Variants in BIRC6 observed in about 807,000 individuals in gnomAD.
BIRC6 encodes baculoviral IAP repeat containing 6.
In BIRC6, 98 loss-of-function variants were observed where a neutral mutation model predicts 503.3. The observed-to-expected ratio is 0.19, with a 90% CI of 0.17 to 0.23. BIRC6 has a LOEUF of 0.23. Ranked by LOEUF, BIRC6 falls within the 10% of genes least tolerant of loss-of-function variation. The pLI is 1.00. For missense variants in BIRC6, 5,360 were observed against 5,806.0 expected (o/e 0.92, Z 2.50); for synonymous variants, 2,240 against 2,078.7 (o/e 1.08, Z -2.11).
chr2:32,518,453 A>G, intron 56 of BIRC6, 56 bp downstream of exon 56: 12 of 1,544,010 alleles, frequency 7.8e-6, no homozygotes, highest in Non-Finnish European at 1.0e-5. Flanking sequence ...ACAATTTTGT[A>G]TCAGAGCCTG....
chr2:32,569,168 T>C (rs1332677056), intron 65 of BIRC6, among the ~76,000 whole-genome samples: 1 of 151,886 alleles, frequency 6.6e-6, no homozygotes, highest in African/African-American at 2.4e-5. Flanking sequence ...TTTTGTATTT[T>C]AGTAGAGATG....
chr2:32,382,402 C>T (rs958865220), intron 3 of BIRC6, among the ~76,000 whole-genome samples: 3 of 152,218 alleles, frequency 2.0e-5, no homozygotes, highest in Non-Finnish European at 2.9e-5. Context: ...TCAACTACTG[C>T]ATCATGTCCT....
chr2:32,551,668 A>G (rs1158789142), intron 65 of BIRC6, among the ~76,000 whole-genome samples: 3 of 152,212 alleles, frequency 2.0e-5, no homozygotes, highest in African/African-American at 7.2e-5. Flanking sequence ...AAATTAGTCT[A>G]AAGTTTATTT....
At chr2:32,545,622 C>T in intron 62 of BIRC6, 21 bp from the exon 63 acceptor site, 1 of 1,580,664 alleles carries the variant, frequency 6.3e-7, no homozygotes, top group Non-Finnish European at 8.7e-7. Flanking sequence ...AATCTTGAGT[C>T]CTCTTCTTTC....
At chr2:32,559,934 T>G (rs1206499313) in intron 65 of BIRC6, among the ~76,000 whole-genome samples, 2 of 151,964 alleles carry the variant, frequency 1.3e-5, no homozygotes, top group African/African-American at 4.8e-5. Flanking sequence ...GAGAATTGCC[T>G]GAACCCGGGA....
At chr2:32,380,411 C>T in intron 3 of BIRC6, 121 bp downstream of exon 3, 14 of 1,309,594 alleles carry the variant, frequency 1.1e-5, no homozygotes, top group Non-Finnish European at 1.3e-5. Context: ...TTTTAAAAAG[C>T]AGAATGTGCT....
At chr2:32,483,811 C>T (rs997412089) in intron 39 of BIRC6, among the ~76,000 whole-genome samples, 1 of 152,192 alleles carries the variant, frequency 6.6e-6, no homozygotes, top group Admixed American at 6.5e-5. Context: ...AATGCTCCCC[C>T]CCAACATTTC....
intron 3 of BIRC6, among the ~76,000 whole-genome samples, chr2:32,382,255 G>A (rs7577981): frequency 6.6e-6 from 1 of 152,148 alleles, no homozygotes; most frequent in Non-Finnish European, 1.5e-5. Flanking sequence ...GGACGAGGGC[G>A]TTGCAAAACT....
At chr2:32,569,229 T>G (rs1327889340) in intron 65 of BIRC6, among the ~76,000 whole-genome samples, 1 of 152,040 alleles carries the variant, frequency 6.6e-6, no homozygotes, top group Non-Finnish European at 1.5e-5. Flanking sequence ...CCCCTAGTGA[T>G]CTCCCCACCT....
intron 1 of BIRC6, among the ~76,000 whole-genome samples, chr2:32,374,378 A>G (rs1223449206): frequency 1.3e-5 from 2 of 152,038 alleles, no homozygotes; most frequent in African/African-American, 2.4e-5. Context: ...AGCTCACTGT[A>G]GCCTTGAACT....
intron 1 of BIRC6, among the ~76,000 whole-genome samples, chr2:32,372,549 G>C (rs1418441393): frequency 2.0e-5 from 3 of 152,054 alleles, no homozygotes; most frequent in Non-Finnish European, 4.4e-5. Context: ...GTCACTCTTT[G>C]AAATATGTTT....
chr2:32,563,202 A>G (rs1289630934), intron 65 of BIRC6: 1 of 152,222 alleles, frequency 6.6e-6, no homozygotes, highest in African/African-American at 2.4e-5. Context: ...ACGGTGAAAT[A>G]CTATGTGCAC....
At chr2:32,406,097 C>A (rs1421768783) in intron 8 of BIRC6, among the ~76,000 whole-genome samples, 1 of 152,070 alleles carries the variant, frequency 6.6e-6, no homozygotes, top group Non-Finnish European at 1.5e-5. Context: ...GTGATTTTAA[C>A]ACTGTACTTT....
intron 54 of BIRC6, 49 bp from the exon 55 acceptor site, chr2:32,514,941 C>A (rs1405423824): frequency 7.1e-7 from 1 of 1,404,444 alleles, no homozygotes; most frequent in Admixed American, 2.0e-5. Flanking sequence ...GAAATAGTTT[C>A]TTCTAAAAAT....
intron 66 of BIRC6, among the ~76,000 whole-genome samples, chr2:32,585,225 AGC>A (rs1364462912): frequency 1.3e-5 from 2 of 152,158 alleles, no homozygotes; most frequent in African/African-American, 4.8e-5. Flanking sequence ...ACAGACTCCA[AGC>A]CTCATTCCAT....
At chr2:32,508,516 A>G (rs976601584) in intron 51 of BIRC6, among the ~76,000 whole-genome samples, 1 of 151,850 alleles carries the variant, frequency 6.6e-6, no homozygotes, top group East Asian at 1.9e-4. Flanking sequence ...GTAGGTGTAC[A>G]TTGTAATTTT....
At chr2:32,467,838 T>C in intron 27 of BIRC6, 65 bp from the exon 28 acceptor site, 1 of 1,450,762 alleles carries the variant, frequency 6.9e-7, no homozygotes, top group Non-Finnish European at 9.3e-7. Flanking sequence ...TCTTTTTAAA[T>C]ACATTGCTCA....
At chr2:32,599,439 A>G (rs2061901556) in intron 69 of BIRC6, among the ~76,000 whole-genome samples, 1 of 152,006 alleles carries the variant, frequency 6.6e-6, no homozygotes, top group African/African-American at 2.4e-5. Context: ...TAGGAGTTTG[A>G]GACCAGCCTG....
intron 47 of BIRC6, among the ~76,000 whole-genome samples, 178 bp downstream of exon 47, chr2:32,502,066 G>A (rs985771389): frequency 1.3e-5 from 2 of 152,162 alleles, no homozygotes; most frequent in African/African-American, 4.8e-5. Flanking sequence ...CTTTGAAGTG[G>A]TATTTTCAGA....
Sources: gnomAD v4.1 joint callset for allele counts (sites outside exome capture counted in the v4.1 genomes callset) on GRCh38, gnomAD v4.1.1 for gene constraint, MANE v1.5 for transcripts, NCBI Gene and HGNC (gene_info 2026-07-23, HGNC 2026-07-21) for gene names.